The following SPATA31H1 variants were observed in gnomAD, a reference collection of about 807,000 sequenced individuals.
SPATA31H1 encodes SPATA31 subfamily H member 1.
chr2:27,559,636 A>G, the SPATA31H1 span, among the ~76,000 whole-genome samples: 6 of 152,074 alleles, frequency 3.9e-5, no homozygotes, highest in Non-Finnish European at 7.3e-5. Context: ...CTTGGAAGTT[A>G]TGAACTCTGT....
the SPATA31H1 span, chr2:27,579,067 A>C: frequency 6.2e-7 from 1 of 1,614,184 alleles, no homozygotes; most frequent in Non-Finnish European, 8.5e-7. Flanking sequence ...AAGCAAATGG[A>C]GGAGCTAGAG....
the SPATA31H1 span, among the ~76,000 whole-genome samples, chr2:27,542,302 C>T: frequency 6.6e-6 from 1 of 151,762 alleles, no homozygotes; most frequent in Non-Finnish European, 1.5e-5. Flanking sequence ...GAGGCTGAGG[C>T]AGGAGAATCG....
the SPATA31H1 span, chr2:27,575,735 T>C: frequency 5.0e-5 from 20 of 398,350 alleles, no homozygotes; most frequent in African/African-American, 1.0e-4. This position sits in a 1 kb window ranked among gnomAD's most constrained non-coding sequence, Gnocchi z 4.1. Flanking sequence ...TTCCAGCACC[T>C]AAACTTCAGT....
the SPATA31H1 span, chr2:27,577,626 C>T: frequency 2.1e-4 from 331 of 1,613,910 alleles, no homozygotes; most frequent in Non-Finnish European, 2.6e-4. This position sits in a 1 kb window ranked among gnomAD's most constrained non-coding sequence, Gnocchi z 4.5. Context: ...AGGGATGACA[C>T]CTGGGTTAGG....
chr2:27,581,187 C>T, the SPATA31H1 span: 2 of 1,614,230 alleles, frequency 1.2e-6, no homozygotes, highest in Non-Finnish European at 1.7e-6. Flanking sequence ...ACACAAGGAG[C>T]ATAACCACCC....
the SPATA31H1 span, among the ~76,000 whole-genome samples, chr2:27,545,026 T>A: frequency 0.033 from 939 of 28,636 alleles, 21 homozygotes; most frequent in African/African-American, 0.14. Flanking sequence ...AAAAGTCAAA[T>A]TTTTTTTTTT....
the SPATA31H1 span, chr2:27,578,195 G>C: frequency 6.2e-7 from 1 of 1,614,146 alleles, no homozygotes; most frequent in Non-Finnish European, 8.5e-7. Flanking sequence ...AATATATTGA[G>C]TTGACTCCAA....
the SPATA31H1 span, among the ~76,000 whole-genome samples, chr2:27,539,471 T>C: frequency 8.2e-6 from 1 of 122,582 alleles, no homozygotes; most frequent in African/African-American, 3.4e-5. Context: ...GGCAGAAGAA[T>C]TTTTCTTAGT....
At chr2:27,558,899 G>GGGAGAA in the SPATA31H1 span, among the ~76,000 whole-genome samples, 17 of 79,712 alleles carry the variant, frequency 2.1e-4, no homozygotes, top group Non-Finnish European at 3.8e-4. Flanking sequence ...TGGAGGGAGA[G>GGGAGAA]GGAGAGGGAG....
At chr2:27,555,908 C>T in the SPATA31H1 span, among the ~76,000 whole-genome samples, 6 of 151,860 alleles carry the variant, frequency 4.0e-5, no homozygotes, top group Non-Finnish European at 8.8e-5. Context: ...CTGAGGCGAG[C>T]GGATCATGAG....
At chr2:27,539,683 G>C in the SPATA31H1 span, among the ~76,000 whole-genome samples, 2 of 93,166 alleles carry the variant, frequency 2.1e-5, no homozygotes, top group Non-Finnish European at 4.2e-5. Flanking sequence ...TCACTTCCCA[G>C]TAGGGGCGGC....
the SPATA31H1 span, chr2:27,570,873 A>C: frequency 2.5e-6 from 1 of 398,956 alleles, no homozygotes. Flanking sequence ...AGAGCCACAA[A>C]TGCCAGATGC....
At chr2:27,578,237 C>T in the SPATA31H1 span, 1 of 1,614,168 alleles carries the variant, frequency 6.2e-7, no homozygotes, top group Non-Finnish European at 8.5e-7. Context: ...CAGAGCACCA[C>T]ACAGGGCCAT....
At chr2:27,578,691 C>T in the SPATA31H1 span, 4 of 1,614,076 alleles carry the variant, frequency 2.5e-6, no homozygotes, top group South Asian at 3.3e-5. Flanking sequence ...GAATCTAGGA[C>T]ACGTGTGTCA....
chr2:27,544,596 G>C, the SPATA31H1 span, among the ~76,000 whole-genome samples: 161 of 139,758 alleles, frequency 1.2e-3, no homozygotes, highest in Non-Finnish European at 1.5e-3. Flanking sequence ...GTACAGTGGC[G>C]CAATCTTGGC....
the SPATA31H1 span, among the ~76,000 whole-genome samples, chr2:27,559,973 TTCTCCTGCC>T: frequency 1.3e-5 from 2 of 152,198 alleles, no homozygotes; most frequent in African/African-American, 4.8e-5. Context: ...GTTCAAGCAA[TTCTCCTGCC>T]TCAGCCTCCT....
chr2:27,582,678 A>G, the SPATA31H1 span: 5 of 716,236 alleles, frequency 7.0e-6, no homozygotes, highest in Middle Eastern at 7.6e-4. Flanking sequence ...GCGGGTGAGA[A>G]TGGGTCTGTA....
At chr2:27,560,686 T>A in the SPATA31H1 span, among the ~76,000 whole-genome samples, 5 of 152,286 alleles carry the variant, frequency 3.3e-5, no homozygotes, top group African/African-American at 1.2e-4. Flanking sequence ...CTCGATCTCC[T>A]GACCTCGTGA....
At chr2:27,543,449 G>C in the SPATA31H1 span, among the ~76,000 whole-genome samples, 3 of 149,812 alleles carry the variant, frequency 2.0e-5, no homozygotes, top group Non-Finnish European at 4.4e-5. Context: ...TATTAGGTGT[G>C]AGAATTTTCA....
Sources: allele counts gnomAD v4.1 joint callset (sites outside exome capture counted in the v4.1 genomes callset), GRCh38; gene constraint gnomAD v4.1.1; non-coding constraint Gnocchi (gnomAD v3.1); transcripts MANE v1.5; gene names NCBI Gene and HGNC (gene_info 2026-07-23, HGNC 2026-07-21).